BICC1: variants seen among roughly 807,000 people sequenced by gnomAD.
BICC1 encodes BicC family RNA binding protein 1.
In BICC1, 43 loss-of-function variants were observed where a neutral mutation model predicts 111.0. The ratio of observed to expected loss-of-function variants is 0.39; its 90% confidence interval spans 0.30 to 0.50. The LOEUF (loss-of-function observed/expected upper bound fraction) is 0.50. Ranked by LOEUF, BICC1 falls within the 20% of genes least tolerant of loss-of-function variation. The pLI, the probability that BICC1 is intolerant of heterozygous loss-of-function variation, is 0.88. For synonymous variants in BICC1, 467 were observed against 434.4 expected, an observed-to-expected ratio of 1.07 and a Z score of -0.93; for missense variants, 1,091 against 1,203.2, an observed-to-expected ratio of 0.91 and a Z score of 1.38.
intron 1 of BICC1, among the ~76,000 whole-genome samples, chr10:58,544,893 C>G (rs965537681): frequency 6.6e-6 from 1 of 151,972 alleles, no homozygotes; most frequent in Non-Finnish European, 1.5e-5. Context: ...TCTAATATGA[C>G]TGGTATTCTT....
At chr10:58,761,288 G>A (rs1315727828) in intron 3 of BICC1, among the ~76,000 whole-genome samples, 1 of 152,206 alleles carries the variant, frequency 6.6e-6, no homozygotes, top group Non-Finnish European at 1.5e-5. Context: ...TGGAAAGAAA[G>A]TTGCTTCCTT....
chr10:58,588,802 G>C (rs553014968), intron 1 of BICC1, among the ~76,000 whole-genome samples: 8 of 152,144 alleles, frequency 5.3e-5, no homozygotes, highest in African/African-American at 1.9e-4. Context: ...AGCACACTGC[G>C]TGAAGGAGCA....
intron 3 of BICC1, among the ~76,000 whole-genome samples, chr10:58,753,403 A>C (rs368213539): frequency 2.2e-4 from 34 of 152,132 alleles, no homozygotes; most frequent in Non-Finnish European, 4.3e-4. Flanking sequence ...TCCAGGGCTC[A>C]AGTGATCCTC....
chr10:58,726,376 G>A (rs756588590), intron 3 of BICC1, among the ~76,000 whole-genome samples: 3 of 152,022 alleles, frequency 2.0e-5, no homozygotes, highest in Non-Finnish European at 4.4e-5. Flanking sequence ...GATGAGCATC[G>A]CATCTCAAAG....
intron 17 of BICC1, among the ~76,000 whole-genome samples, chr10:58,807,496 CCT>C (rs1162569450): frequency 2.6e-5 from 4 of 152,032 alleles, no homozygotes; most frequent in Non-Finnish European, 5.9e-5. Context: ...TCTAAAGAGT[CCT>C]ATTATCCAAG....
chr10:58,710,035 G>C (rs1012746203), intron 3 of BICC1, among the ~76,000 whole-genome samples: 6 of 152,110 alleles, frequency 3.9e-5, no homozygotes, highest in Non-Finnish European at 4.4e-5. Flanking sequence ...TATGTAAGTG[G>C]GTCCTACCAT....
chr10:58,755,544 T>C (rs1842120405), intron 3 of BICC1, among the ~76,000 whole-genome samples: 1 of 152,196 alleles, frequency 6.6e-6, no homozygotes, highest in Non-Finnish European at 1.5e-5. Flanking sequence ...CTTTAGGGAT[T>C]TTCTGTCTGA....
chr10:58,708,094 A>G (rs1284564026), intron 3 of BICC1, among the ~76,000 whole-genome samples: 2 of 117,752 alleles, frequency 1.7e-5, no homozygotes, highest in Admixed American at 1.9e-4. Context: ...TCTGCCTGCC[A>G]TGGCCTCCCA....
rs144020664 is a variant in BICC1, at chr10:58,627,062, A to T, written c.237+6161A>T. On this transcript the variant is annotated intron_variant, in intron 2 of 20. Coordinates refer to ENST00000373886, the MANE Select transcript of BICC1 (RefSeq NM_001080512.3). The stretch of plus-strand genomic sequence containing the variant: ...GGTTACAGTGAGCCAAGATTGTGCC[A>T]TTGCACTCCAGCCTGGGCAACAAGA... Among the ~76,000 whole-genome samples the T allele has an allele frequency of 3.4e-3, 516 of 152,264 alleles. 5 individuals are homozygous for T. The highest frequency in any genetic ancestry group is 0.012 in the African/African-American group (487 of 41,564).
intron 2 of BICC1, among the ~76,000 whole-genome samples, chr10:58,699,734 G>A (rs560581082): frequency 1.3e-5 from 2 of 151,388 alleles, no homozygotes; most frequent in Admixed American, 1.3e-4. Context: ...TCAATCTGTA[G>A]CCCAGGCTGG....
chr10:58,808,784 C>T (rs1372693120), intron 17 of BICC1, among the ~76,000 whole-genome samples: 1 of 151,298 alleles, frequency 6.6e-6, no homozygotes, highest in Non-Finnish European at 1.5e-5. Flanking sequence ...GGCACGATCT[C>T]GGCTCACGGC....
At chr10:58,805,357 AG>A (rs1482322597) in intron 15 of BICC1, among the ~76,000 whole-genome samples, 1 of 152,118 alleles carries the variant, frequency 6.6e-6, no homozygotes, top group East Asian at 1.9e-4. Flanking sequence ...ATTTTTGATT[AG>A]TTGTTGTATT....
At chr10:58,826,479 C>G (rs140054907) in intron 20 of BICC1, among the ~76,000 whole-genome samples, 7 of 148,922 alleles carry the variant, frequency 4.7e-5, no homozygotes, top group African/African-American at 1.7e-4. Context: ...AGGCCGGGTG[C>G]GGTGGCTCAT....
chr10:58,656,768 T>G (rs1838667746), intron 2 of BICC1, among the ~76,000 whole-genome samples: 1 of 152,182 alleles, frequency 6.6e-6, no homozygotes, highest in African/African-American at 2.4e-5. Flanking sequence ...TTCCTTGATC[T>G]GAGAATACAA....
intron 2 of BICC1, among the ~76,000 whole-genome samples, chr10:58,692,602 A>G (rs978576196): frequency 3.3e-5 from 5 of 152,232 alleles, no homozygotes; most frequent in Non-Finnish European, 7.3e-5. Context: ...CTGAAAATTA[A>G]CACGTATTAT....
chr10:58,728,893 A>G (rs1232411967), intron 3 of BICC1, among the ~76,000 whole-genome samples: 1 of 152,106 alleles, frequency 6.6e-6, no homozygotes, highest in Non-Finnish European at 1.5e-5. Context: ...AAAAAAAGGA[A>G]TCTTTTTTTT....
At chr10:58,674,339 G>T (rs1375645417) in intron 2 of BICC1, among the ~76,000 whole-genome samples, 2 of 151,094 alleles carry the variant, frequency 1.3e-5, no homozygotes, top group Non-Finnish European at 2.9e-5. Context: ...AATAATTTTT[G>T]TACCATGTCT....
At chr10:58,730,285 G>A (rs1841246637) in intron 3 of BICC1, among the ~76,000 whole-genome samples, 1 of 152,172 alleles carries the variant, frequency 6.6e-6, no homozygotes, top group East Asian at 1.9e-4. Context: ...AATCTCCTTT[G>A]ACTTCATGTC....
intron 17 of BICC1, among the ~76,000 whole-genome samples, chr10:58,807,411 G>A (rs1843743587): frequency 6.6e-6 from 1 of 152,148 alleles, no homozygotes; most frequent in African/African-American, 2.4e-5. Flanking sequence ...TTTTTGTTGA[G>A]TGTGGGATGT....
Sources: allele counts gnomAD v4.1 joint callset (sites outside exome capture counted in the v4.1 genomes callset), GRCh38; gene constraint gnomAD v4.1.1; transcripts MANE v1.5; gene names NCBI Gene and HGNC (gene_info 2026-07-23, HGNC 2026-07-21).